Variants in ITIH4 observed in about 807,000 individuals in gnomAD.
ITIH4 encodes the protein inter-alpha-trypsin inhibitor heavy chain 4, also known as inter-alpha-trypsin inhibitor heavy chain H4.
ITIH4 carries 79 observed loss-of-function variants against 111.8 expected under a neutral mutation model. The ratio of observed to expected loss-of-function variants is 0.71; its 90% confidence interval spans 0.59 to 0.85. The LOEUF is 0.85. Ranked by LOEUF, ITIH4 falls within the 40% of genes least tolerant of loss-of-function variation. ITIH4 has a pLI of 0.00. For missense variants in ITIH4, 1,065 were observed against 1,195.8 expected, an observed-to-expected ratio of 0.89 and a Z score of 1.61; for synonymous variants, 472 against 468.3, an observed-to-expected ratio of 1.01 and a Z score of -0.10.
At chr3:52,821,182 A>C in intron 11 of ITIH4, 52 bp from the exon 12 acceptor site, 1 of 1,586,878 alleles carries the variant, frequency 6.3e-7, no homozygotes. Context: ...GGACATCTGC[A>C]TCTGCCTGGC....
At chr3:52,816,450 C>T (rs949709784) in intron 21 of ITIH4, among the ~76,000 whole-genome samples, 5 of 152,210 alleles carry the variant, frequency 3.3e-5, no homozygotes, top group African/African-American at 4.8e-5. Flanking sequence ...ATGTAGGCAG[C>T]GCTGTCCTGT....
chr3:52,820,630 C>T lies in ITIH4; in HGVS notation c.1834+1G>A, dbSNP rs112339252. On this transcript the variant is annotated splice_donor_variant, in intron 13 of 23. Coordinates refer to ENST00000266041, the MANE Select transcript of ITIH4 (RefSeq NM_002218.5). LOFTEE classifies it high-confidence loss of function. Reference sequence around the variant, plus strand: ...GGCTGAGATCTCAACCCCACACCCACCGCCTTCCATGGGCTTCTCAGCAAC... The same window carrying T: ...GGCTGAGATCTCAACCCCACACCCATCGCCTTCCATGGGCTTCTCAGCAAC... 1 of 1,606,568 alleles carries T rather than the reference C, an allele frequency of 6.2e-7. No homozygotes were observed. The highest frequency in any genetic ancestry group is 2.2e-5 in the East Asian group (1 of 44,782).
intron 14 of ITIH4, 69 bp downstream of exon 14, chr3:52,820,222 G>T (rs1182948164): frequency 2.5e-6 from 4 of 1,606,372 alleles, no homozygotes; most frequent in African/African-American, 2.7e-5. Flanking sequence ...ACCTCACAGG[G>T]CTGGTGCCCT....
chr3:52,822,593 C>T (rs2710317), intron 11 of ITIH4, among the ~76,000 whole-genome samples: 1,873 of 152,260 alleles, frequency 0.012, 48 homozygotes, highest in African/African-American at 0.043. Flanking sequence ...CCCATGTTTA[C>T]ATAGGAGGAA....
intron 21 of ITIH4, among the ~76,000 whole-genome samples, chr3:52,815,089 C>T (rs2154111087): frequency 6.6e-6 from 1 of 152,232 alleles, no homozygotes; most frequent in Non-Finnish European, 1.5e-5. Context: ...CCTTGAAATT[C>T]TTGCCTTTCT....
chr3:52,829,351 G>A, intron 1 of ITIH4, 72 bp from the exon 2 acceptor site: 1 of 1,497,566 alleles, frequency 6.7e-7, no homozygotes, highest in South Asian at 1.3e-5. Flanking sequence ...CTCTTCAAGA[G>A]TTGGCCCTGA....
chr3:52,826,949 T>C lies in ITIH4; in HGVS notation c.361A>G (p.Thr121Ala). 4.3e-6 allele frequency: 7 copies of C among 1,614,032 alleles called. No homozygotes were observed. The highest frequency in any genetic ancestry group is 1.7e-5 in the Admixed American group (1 of 60,020). Residue 121 changes from threonine (T) to alanine (A), a missense_variant, in exon 4 of 24, where the codon ACC becomes GCC. Transcript: ENST00000266041. ...KGKSAGLVKA[T>A]GRNMEQFQVS... is the part of the protein sequence containing the mutation. The stretch of plus-strand genomic sequence containing the variant: ...TGGAACTGCTCCATGTTTCTCCCGG[T>C]GGCCCTGGGGGAGAAGGGCATCAGG...
In ITIH4 at chr3:52,813,993, T is replaced by C. The variant is rs769716983; in HGVS notation, c.2705A>G (p.Asn902Ser). 33 of 1,612,956 alleles carry C rather than the reference T, an allele frequency of 2.0e-5. No individual in the cohort carries two copies. The highest frequency in any genetic ancestry group is 2.5e-5 in the Non-Finnish European group (30 of 1,179,800). Reference protein sequence around the residue: ...DGRRTLRVQGNDHSATRERRL... With the variant: ...DGRRTLRVQGSDHSATRERRL... ...AAGTCACCTGGTGGCAGAGTGGTCA[T>C]TGCCCTGAACCCTCAGCGTGCGTCT... The change falls in exon 23 of 24, where the codon AAT (asparagine) becomes AGT (serine). Residue 902 changes from asparagine (N) to serine (S), a missense_variant. Physicochemically the swap from Asn to Ser is conservative, Grantham distance 46. Coordinates refer to ENST00000266041, the MANE Select transcript of ITIH4 (RefSeq NM_002218.5).
chr3:52,814,743 T>A (rs1232239118), intron 21 of ITIH4, among the ~76,000 whole-genome samples: 2 of 152,080 alleles, frequency 1.3e-5, no homozygotes, highest in East Asian at 3.9e-4. Flanking sequence ...CATGCCACCA[T>A]GTCCAGCTAA....
chr3:52,817,721 T>C lies in ITIH4; in HGVS notation c.2296+331A>G, dbSNP rs13072048. Reference sequence around the variant, plus strand: ...TGGAACATCCTCATGCTGGTCTCTGTGCACCCGCCATGGCCCTGCCATCCC... The same window carrying C: ...TGGAACATCCTCATGCTGGTCTCTGCGCACCCGCCATGGCCCTGCCATCCC... On this transcript the variant is annotated intron_variant, in intron 20 of 23. Coordinates refer to ENST00000266041, the MANE Select transcript of ITIH4 (RefSeq NM_002218.5). 3.0e-3 allele frequency among the ~76,000 whole-genome samples: 459 copies of C among 152,344 alleles called. 2 individuals carry two copies. Among genetic ancestry groups the C allele is most frequent in the Non-Finnish European group, 2.7e-3 (187 of 68,032 alleles).
chr3:52,814,038 G>A lies in ITIH4; in HGVS notation c.2660C>T (p.Pro887Leu), dbSNP rs1296972770. Reference protein sequence around the residue: ...QFYQEVLWGSPAASDDGRRTL... With the variant: ...QFYQEVLWGSLAASDDGRRTL... Reference sequence around the variant, plus strand: ...GCGTCTGCCGTCATCTGATGCTGCTGGAGATCCCCAGAGCACCTCCTGGTA... The same window carrying A: ...GCGTCTGCCGTCATCTGATGCTGCTAGAGATCCCCAGAGCACCTCCTGGTA... Residue 887 changes from proline to leucine, a missense_variant, in exon 23 of 24, where the codon CCA (proline) becomes CTA (leucine). Physicochemically the swap from Pro to Leu is moderately conservative, Grantham distance 98. Transcript: ENST00000266041. 3 of 1,613,800 alleles carry A rather than the reference G, an allele frequency of 1.9e-6. No homozygotes were observed. The African/African-American group carries it at 4.0e-5, about 22-fold the overall frequency.
At position 52,823,919 on chromosome 3, in the gene ITIH4, G is replaced by A. The variant is rs1179936748; in HGVS notation, c.1257C>T (p.Phe419=). 8.1e-6 allele frequency: 13 copies of A among 1,610,734 alleles called. No individual in the cohort carries two copies. The highest frequency in any genetic ancestry group is 2.2e-5 in the South Asian group (2 of 90,476). ...TCTCCAGGAAGGCATAGCTGACGTC[G>A]AAACCGAAGCCCAGGCAGAAGAGGC... The part of the protein sequence containing the change: ...RYSLFCLGFG[F]DVSYAFLEKL... Residue 419 remains phenylalanine, a synonymous_variant, in exon 10 of 24, where the codon TTC becomes TTT. Transcript: ENST00000266041.
chr3:52,820,304 C>G lies in ITIH4; in HGVS notation c.1848G>C (p.Arg616Ser). 1 of 1,614,008 alleles carries G rather than the reference C, an allele frequency of 6.2e-7. No individual in the cohort carries two copies. The highest frequency in any genetic ancestry group is 1.1e-5 in the South Asian group (1 of 91,078). The stretch of plus-strand genomic sequence containing the variant: ...TTCGCTGCTTACCTGAGTGGACATT[C>G]CTGTTTCTACTTTCTGGATAAAACA... ...EKPMEGESRN[R>S]NVHSGSTFFK... The change falls in exon 14 of 24, where the codon AGG (arginine) becomes AGC (serine). Residue 616 changes from arginine (R) to serine (S), a missense_variant. Transcript: ENST00000266041.
rs760107295 is a variant in ITIH4, at chr3:52,813,413, C to T, written c.*8G>A. 1 of 1,613,936 alleles carries T rather than the reference C, an allele frequency of 6.2e-7. No homozygotes were observed. Among genetic ancestry groups the T allele is most frequent in the Non-Finnish European group, 8.5e-7 (1 of 1,179,802 alleles). ...TGTACAGGGTGGGCACAGCTCCTTCCATCAGAACTACAGCTCCACAGACCA... is the reference window on the plus strand; with the variant it reads ...TGTACAGGGTGGGCACAGCTCCTTCTATCAGAACTACAGCTCCACAGACCA... On this transcript the variant is annotated 3_prime_UTR_variant, in exon 24 of 24. Coordinates refer to ENST00000266041, the MANE Select transcript of ITIH4 (RefSeq NM_002218.5).
At position 52,823,678 on chromosome 3, in the gene ITIH4, C is replaced by T. The variant is rs1428512594; in HGVS notation, c.1417G>A (p.Ala473Thr). Residue 473 changes from alanine to threonine, a missense_variant, in exon 11 of 24, where the codon GCC becomes ACC. Ala to Thr is a moderately conservative substitution (Grantham distance 58). Transcript: ENST00000266041. The stretch of plus-strand genomic sequence containing the variant: ...TTGTTCTGAGTGACCTCCTCCACGG[C>T]ATTGCTTGGGTACTCGAAGGTCACT... Reference protein sequence around the residue: ...TAVTFEYPSNAVEEVTQNNFR... With the variant: ...TAVTFEYPSNTVEEVTQNNFR... The T allele has an allele frequency of 5.6e-6, 9 of 1,614,064 alleles. No homozygotes were observed. In the Admixed American group the frequency reaches 6.7e-5, roughly 12 times the overall value.
chr3:52,822,532 A>C (rs190221093), intron 11 of ITIH4, among the ~76,000 whole-genome samples: 3 of 152,308 alleles, frequency 2.0e-5, no homozygotes, highest in African/African-American at 7.2e-5. Flanking sequence ...TGGAGTGCTT[A>C]TCACTGGACA....
Position 52,826,893 on chromosome 3 carries a change from C to T in ITIH4, c.417G>A (p.Lys139=). 1.2e-6 allele frequency: 2 copies of T among 1,614,132 alleles called. No individual in the cohort carries two copies. The highest frequency in any genetic ancestry group is 1.7e-6 in the Non-Finnish European group (2 of 1,180,038). The change falls in exon 4 of 24, where the codon AAG becomes AAA. Residue 139 remains lysine, a synonymous_variant. Transcript: ENST00000266041. ...QVSVSVAPNA[K]ITFELVYEEL... is the part of the protein sequence containing the mutation. ...CCTCATAGACCAGCTCAAAGGTGAT[C>T]TTGGCATTGGGAGCCACACTGACCG...
intron 21 of ITIH4, among the ~76,000 whole-genome samples, chr3:52,815,251 T>C (rs535976958): frequency 1.3e-5 from 2 of 151,436 alleles, no homozygotes; most frequent in Middle Eastern, 3.4e-3. Flanking sequence ...TTTTTCTTTT[T>C]TTTTTTTTTT....
At chr3:52,817,201 A>C in intron 20 of ITIH4, 143 bp from the exon 21 acceptor site, 2 of 612,326 alleles carry the variant, frequency 3.3e-6, no homozygotes, top group South Asian at 2.1e-5. Flanking sequence ...CTTTCTCAGC[A>C]CTCCTTCACA....
Sources: gnomAD v4.1 joint callset for allele counts (sites outside exome capture counted in the v4.1 genomes callset) on GRCh38, gnomAD v4.1.1 for gene constraint, MANE v1.5 for transcripts, NCBI Gene and HGNC (gene_info 2026-07-23, HGNC 2026-07-21) for gene names.